Variants in ITPR1 observed in about 807,000 individuals in gnomAD.
ITPR1 encodes inositol 1,4,5-trisphosphate-gated calcium channel ITPR1.
A neutral mutation model predicts 318.4 loss-of-function variants in ITPR1; 96 were observed. The observed-to-expected ratio is 0.30, with a 90% CI of 0.26 to 0.36. ITPR1 has a LOEUF of 0.36. Ranked by LOEUF, ITPR1 falls within the 10% of genes least tolerant of loss-of-function variation. The pLI, the probability that ITPR1 is intolerant of heterozygous loss-of-function variation, is 1.00. For synonymous variants in ITPR1, 1,312 were observed against 1,289.9 expected, an observed-to-expected ratio of 1.02 and a Z score of -0.37; for missense variants, 2,440 against 3,460.2, an observed-to-expected ratio of 0.71 and a Z score of 7.40.
At chr3:4,615,754 G>A (rs1010288515) in intron 4 of ITPR1, among the ~76,000 whole-genome samples, 1 of 152,114 alleles carries the variant, frequency 6.6e-6, no homozygotes, top group African/African-American at 2.4e-5. Context: ...CTAAATAAAA[G>A]TTTAATTGCT....
In ITPR1 at chr3:4,755,326, G is replaced by T. The variant is rs185876819; in HGVS notation, c.5545-11204G>T. On this transcript the variant is annotated intron_variant, in intron 44 of 61. Transcript: ENST00000649015. ...TTTCCCAGTAAGTCCCAGTTCCCGT[G>T]GGCACTGGGAGACAGGAAAGGAGAG... 4.3e-3 allele frequency among the ~76,000 whole-genome samples: 657 copies of T among 151,984 alleles called. 2 individuals carry two copies. The highest frequency in any genetic ancestry group is 7.3e-3 in the Non-Finnish European group (494 of 67,986).
intron 20 of ITPR1, among the ~76,000 whole-genome samples, chr3:4,671,134 T>A (rs1041274477): frequency 2.6e-5 from 4 of 152,186 alleles, no homozygotes; most frequent in Non-Finnish European, 4.4e-5. Context: ...CCAAAAAGGA[T>A]GAGTGCTTGC....
chr3:4,657,637 T>G (rs1250181540), intron 12 of ITPR1, among the ~76,000 whole-genome samples: 1 of 151,934 alleles, frequency 6.6e-6, no homozygotes, highest in African/African-American at 2.4e-5. Flanking sequence ...CCAGCTAATT[T>G]TTGTATTTTT....
chr3:4,618,462 A>G (rs1164297176), intron 4 of ITPR1, among the ~76,000 whole-genome samples: 1 of 152,176 alleles, frequency 6.6e-6, no homozygotes, highest in Non-Finnish European at 1.5e-5. Context: ...CACTAGAGTT[A>G]TGTCCCAGTT....
At chr3:4,605,251 C>T (rs111766469) in intron 4 of ITPR1, among the ~76,000 whole-genome samples, 1 of 152,056 alleles carries the variant, frequency 6.6e-6, no homozygotes, top group East Asian at 1.9e-4. Flanking sequence ...CCTGCCCGGC[C>T]CTATAGTTTT....
chr3:4,647,612 T>C (rs2125163678), intron 10 of ITPR1, among the ~76,000 whole-genome samples: 1 of 152,338 alleles, frequency 6.6e-6, no homozygotes, highest in Admixed American at 6.5e-5. Flanking sequence ...CTTGGTATAG[T>C]CAGTCTTTTC....
chr3:4,600,372 C>T (rs953555755), intron 4 of ITPR1, among the ~76,000 whole-genome samples: 2 of 152,034 alleles, frequency 1.3e-5, no homozygotes, highest in South Asian at 2.1e-4. Context: ...AAGGAGATTC[C>T]GAGCCCCAGG....
At chr3:4,522,632 T>C (rs537690447) in intron 4 of ITPR1, among the ~76,000 whole-genome samples, 1 of 152,348 alleles carries the variant, frequency 6.6e-6, no homozygotes, top group Non-Finnish European at 1.5e-5. Context: ...CCTTCTTTCA[T>C]GTTTCCTTCC....
chr3:4,669,504 A>G, intron 18 of ITPR1, 150 bp from the exon 19 acceptor site: 1 of 590,898 alleles, frequency 1.7e-6, no homozygotes, highest in South Asian at 2.8e-5. Context: ...CTTTCTGGTG[A>G]TGCCATAAAC....
chr3:4,767,344 T>C (rs775730913), intron 45 of ITPR1, among the ~76,000 whole-genome samples: 17 of 152,360 alleles, frequency 1.1e-4, no homozygotes, highest in Non-Finnish European at 2.4e-4. Flanking sequence ...GCCAGCAGCA[T>C]ACCCCTACTC....
At chr3:4,585,183 A>C (rs2089764568) in intron 4 of ITPR1, among the ~76,000 whole-genome samples, 1 of 152,204 alleles carries the variant, frequency 6.6e-6, no homozygotes, top group South Asian at 2.1e-4. Context: ...AAATTTGTGA[A>C]AATTCAAAGC....
At chr3:4,542,684 G>GGT (rs55842936) in intron 4 of ITPR1, among the ~76,000 whole-genome samples, 113,463 of 148,638 alleles carry the variant, frequency 0.76, 45,295 homozygotes, top group Non-Finnish European at 0.9. Context: ...TGTGTGTGGC[G>GGT]GGGGGGTGGG....
chr3:4,634,889 C>A (rs531974026), intron 5 of ITPR1, among the ~76,000 whole-genome samples: 1 of 152,188 alleles, frequency 6.6e-6, no homozygotes, highest in Non-Finnish European at 1.5e-5. Flanking sequence ...CAGGCATGCA[C>A]CACCACACCT....
chr3:4,688,536 T>TGAATTTTTGCA lies in ITPR1; in HGVS notation c.3751_3761dup (p.Ala1256ArgfsTer18). 6.2e-7 allele frequency: 1 copy of TGAATTTTTGCA among 1,614,042 alleles called. No homozygotes were observed. Among genetic ancestry groups the TGAATTTTTGCA allele is most frequent in the Non-Finnish European group, 8.5e-7 (1 of 1,179,864 alleles). On this transcript the variant is annotated frameshift_variant, in exon 31 of 62. Coordinates refer to ENST00000649015, the MANE Select transcript of ITPR1 (RefSeq NM_001378452.1). LOFTEE classifies it high-confidence loss of function. ...TGCAAGAGATAATGAGGTTGGCTCA[T>TGAATTTTTGCA]GAATTTTTGCAGAATTTCTGCGCAG...
chr3:4,675,202 G>T lies in ITPR1; in HGVS notation c.2733G>T (p.Ala911=), dbSNP rs562572079. Residue 911 remains alanine, a synonymous_variant, in exon 23 of 62, where the codon GCG becomes GCT. Transcript: ENST00000649015. ...CAATCTTCCCCATTAGCAAGATGGC[G>T]AAAGGAGAAGAGAATAAAGGTAACA... ...VTTIFPISKM[A]KGEENKGNND... 1.2e-6 allele frequency: 2 copies of T among 1,612,508 alleles called. No homozygotes were observed. The highest frequency in any genetic ancestry group is 2.2e-5 in the South Asian group (2 of 90,678).
At chr3:4,643,661 C>T (rs1044017772) in intron 7 of ITPR1, among the ~76,000 whole-genome samples, 3 of 151,542 alleles carry the variant, frequency 2.0e-5, no homozygotes, top group African/African-American at 4.9e-5. Flanking sequence ...TAGAAACATG[C>T]GTATAAGTCT....
intron 4 of ITPR1, among the ~76,000 whole-genome samples, chr3:4,563,508 C>CA (rs1405405508): frequency 9.3e-5 from 14 of 151,298 alleles, no homozygotes; most frequent in African/African-American, 3.2e-4. Context: ...GACCCTGTCT[C>CA]AAAAAAAATA....
intron 1 of ITPR1, among the ~76,000 whole-genome samples, chr3:4,493,952 A>G (rs975604580): frequency 1.3e-5 from 2 of 149,128 alleles, no homozygotes; most frequent in Non-Finnish European, 3.0e-5. Flanking sequence ...TCAAGGAAAT[A>G]ATCTTTCTAA....
At chr3:4,527,399 C>T (rs906621192) in intron 4 of ITPR1, among the ~76,000 whole-genome samples, 6 of 152,128 alleles carry the variant, frequency 3.9e-5, no homozygotes, top group Non-Finnish European at 8.8e-5. Context: ...TGGTCTTGAA[C>T]TCATGGCCCC....
Sources: gnomAD v4.1 joint callset for allele counts (sites outside exome capture counted in the v4.1 genomes callset) on GRCh38, gnomAD v4.1.1 for gene constraint, MANE v1.5 for transcripts, NCBI Gene and HGNC (gene_info 2026-07-23, HGNC 2026-07-21) for gene names.